The following CCDC14 variants were observed in gnomAD, a reference collection of about 807,000 sequenced individuals.
CCDC14 encodes the protein coiled-coil domain containing 14, also known as coiled-coil domain-containing protein 14.
CCDC14 carries 71 observed loss-of-function variants against 81.4 expected under a neutral mutation model. The observed-to-expected ratio is 0.87, with a 90% confidence interval of 0.72 to 1.06. The LOEUF is 1.06. Among genes scored for constraint, CCDC14 ranks in the 50% least tolerant of loss-of-function variants. The pLI is 0.00. For missense variants in CCDC14, 1,046 were observed against 1,047.3 expected (o/e 1.00, Z 0.02); for synonymous variants, 332 against 364.8 (o/e 0.91, Z 1.03).
rs746960285 is a variant in CCDC14, at chr3:123,931,087, G to A, written c.1778+15C>T. ...ATAAAAAAGGCATGAGTTATTCAAA[G>A]GAAGTCAATTTTACCTGGTTAATTC... On this transcript the variant is annotated intron_variant, in intron 12 of 12. Transcript: ENST00000409697. The A allele has an allele frequency of 5.8e-6, 9 of 1,560,532 alleles. No individual in the cohort carries two copies. Among genetic ancestry groups the A allele is most frequent in the African/African-American group, 2.8e-5 (2 of 72,210 alleles).
intron 5 of CCDC14, among the ~76,000 whole-genome samples, chr3:123,952,355 A>T (rs1158965818): frequency 1.3e-5 from 2 of 152,198 alleles, no homozygotes; most frequent in Non-Finnish European, 2.9e-5. Context: ...TATGAGTGGC[A>T]ATCAATGCTC....
At chr3:123,956,531 G>C in intron 2 of CCDC14, 104 bp from the exon 3 acceptor site, 1 of 849,174 alleles carries the variant, frequency 1.2e-6, no homozygotes, top group Non-Finnish European at 1.8e-6. Context: ...GTCCAACCAT[G>C]TACAAGATGA....
intron 12 of CCDC14, among the ~76,000 whole-genome samples, chr3:123,924,227 A>G (rs1305041335): frequency 6.6e-6 from 1 of 152,132 alleles, no homozygotes; most frequent in African/African-American, 2.4e-5. Context: ...GGAAAACTGG[A>G]GATCCACGTA....
chr3:123,956,532 T>TA lies in CCDC14; in HGVS notation c.87-106dup, dbSNP rs926951606. On this transcript the variant is annotated intron_variant, in intron 2 of 12. Transcript: ENST00000409697. The stretch of plus-strand genomic sequence containing the variant: ...AGACAAGAAAGCTTGTCCAACCATG[T>TA]ACAAGATGAATTTATAAACACATTC... 7.1e-6 allele frequency: 6 copies of TA among 846,756 alleles called. No homozygotes were observed. The African/African-American group carries it at 1.0e-4, about 15-fold the overall frequency. 52.5% of individuals were successfully genotyped at this position (846,756 alleles called of 1,614,324 possible).
chr3:123,938,607 C>T (rs2036183779), intron 9 of CCDC14, among the ~76,000 whole-genome samples: 1 of 151,830 alleles, frequency 6.6e-6, no homozygotes, highest in Admixed American at 6.6e-5. Context: ...TGCCTTACTG[C>T]ACTTGTTAGA....
chr3:123,913,769 G>A lies in CCDC14; in HGVS notation c.*1010C>T, dbSNP rs1206643304. 1 of 984,774 alleles carries A rather than the reference G, an allele frequency of 1.0e-6. No homozygotes were observed. Among genetic ancestry groups the A allele is most frequent in the Non-Finnish European group, 1.2e-6 (1 of 829,848 alleles). 61.0% of individuals were successfully genotyped at this position (984,774 alleles called of 1,614,324 possible). On this transcript the variant is annotated 3_prime_UTR_variant, in exon 13 of 13. Transcript: ENST00000409697. ...TGATAAAGCCTGTCCAAGTACTAAG[G>A]ACAATTAGAGTAGGCAGGTGACCTG...
At chr3:123,950,773 T>A (rs1312392809) in intron 5 of CCDC14, among the ~76,000 whole-genome samples, 1 of 152,058 alleles carries the variant, frequency 6.6e-6, no homozygotes, top group Non-Finnish European at 1.5e-5. Context: ...AAATTATTTA[T>A]GAGAAGTATT....
chr3:123,955,886 T>G lies in CCDC14; in HGVS notation c.309A>C (p.Arg103Ser). 6.5e-7 allele frequency: 1 copy of G among 1,536,978 alleles called. No homozygotes were observed. The highest frequency in any genetic ancestry group is 1.2e-5 in the South Asian group (1 of 81,398). ...ESKRYGSKKKRHEKHTIPLVV... is the reference protein window; with the variant it reads ...ESKRYGSKKKSHEKHTIPLVV... Reference sequence around the variant, plus strand: ...CCAAAGGAATAGTATGTTTTTCATGTCTTTTCTTTTTTGATCCGTATCTTT... The same window carrying G: ...CCAAAGGAATAGTATGTTTTTCATGGCTTTTCTTTTTTGATCCGTATCTTT... The change falls in exon 5 of 13, where the codon AGA (arginine) becomes AGC (serine). Residue 103 changes from arginine (R) to serine (S), a missense_variant. Transcript: ENST00000409697.
At chr3:123,919,064 C>G (rs182893364) in intron 12 of CCDC14, among the ~76,000 whole-genome samples, 1 of 152,064 alleles carries the variant, frequency 6.6e-6, no homozygotes, top group African/African-American at 2.4e-5. Context: ...AGAGGGCGAG[C>G]GGTAACCCCA....
chr3:123,919,659 T>A (rs2034925922), intron 12 of CCDC14, among the ~76,000 whole-genome samples: 1 of 152,178 alleles, frequency 6.6e-6, no homozygotes, highest in South Asian at 2.1e-4. Context: ...AAAGCACAGG[T>A]AGCAGCCCAG....
At chr3:123,932,415 T>A (rs1456266060) in intron 10 of CCDC14, among the ~76,000 whole-genome samples, 2 of 152,206 alleles carry the variant, frequency 1.3e-5, no homozygotes, top group African/African-American at 2.4e-5. Flanking sequence ...TATAAAGTGC[T>A]CATTCTGTTG....
Position 123,949,079 on chromosome 3 carries a change from T to C in CCDC14, c.406A>G (p.Arg136Gly), listed in dbSNP as rs1159287420. The change falls in exon 6 of 13, where the codon AGA becomes GGA. Residue 136 changes from arginine (R) to glycine (G), a missense_variant. Arg to Gly is a moderately radical substitution (Grantham distance 125). Transcript: ENST00000409697. ...IPNEASARSERDTSDLEQNWS... is the reference protein window; with the variant it reads ...IPNEASARSEGDTSDLEQNWS... ...TTTTGCTCTAGGTCTGATGTGTCTC[T>C]TTCACTTCTAGCAGAAGCTTCATTA... The C allele has an allele frequency of 1.2e-6, 2 of 1,612,452 alleles. No individual in the cohort carries two copies. Among genetic ancestry groups the C allele is most frequent in the Non-Finnish European group, 1.7e-6 (2 of 1,179,064 alleles).
In CCDC14 at chr3:123,913,553, T is replaced by G; in HGVS notation, c.*1226A>C. On this transcript the variant is annotated 3_prime_UTR_variant, in exon 13 of 13. Coordinates refer to ENST00000409697, the MANE Select transcript of CCDC14 (RefSeq NM_001366335.1). ...AAAATTAAAGATGCTAATGGACTCTTGTGTGAAATAGTTTAGAATTCACTT... is the reference window on the plus strand; with the variant it reads ...AAAATTAAAGATGCTAATGGACTCTGGTGTGAAATAGTTTAGAATTCACTT... The G allele has an allele frequency of 2.0e-6, 2 of 980,858 alleles. No homozygotes were observed. Among genetic ancestry groups the G allele is most frequent in the Non-Finnish European group, 2.4e-6 (2 of 825,886 alleles). The allele number at this position is 980,858 out of a possible 1,614,324, so 60.8% of individuals were successfully genotyped here. A position where few individuals can be genotyped will look rare whatever the true frequency, so the allele number is the denominator to read the frequency against.
At chr3:123,906,343 T>A (rs570976412) in intron 5 of CCDC14, among the ~76,000 whole-genome samples, 212 of 140,694 alleles carry the variant, frequency 1.5e-3, no homozygotes, top group African/African-American at 5.4e-3. Context: ...AAATAAAAAA[T>A]TAAAATAAAT....
intron 9 of CCDC14, among the ~76,000 whole-genome samples, chr3:123,944,498 TG>T (rs1054449489): frequency 1.3e-5 from 2 of 152,220 alleles, no homozygotes; most frequent in East Asian, 1.9e-4. Context: ...ATGTTAGTCT[TG>T]GCATGAGGGA....
At chr3:123,939,664 T>G (rs998227954) in intron 9 of CCDC14, among the ~76,000 whole-genome samples, 1 of 151,890 alleles carries the variant, frequency 6.6e-6, no homozygotes, top group Non-Finnish European at 1.5e-5. Context: ...TCTTTTTCTA[T>G]TTTGCCTTGT....
intron 1 of CCDC14, chr3:123,957,392 A>G (rs1169961460): frequency 6.6e-6 from 1 of 152,114 alleles, no homozygotes; most frequent in Non-Finnish European, 1.5e-5. Flanking sequence ...AAATTCTTTG[A>G]AACATGCAAG....
chr3:123,892,496 C>G (rs73184258), downstream of CCDC14, among the ~76,000 whole-genome samples: 1 of 152,184 alleles, frequency 6.6e-6, no homozygotes, highest in Admixed American at 6.5e-5. Context: ...GACATTTTCT[C>G]CATTGTCTTC....
rs769232912 is a variant in CCDC14, at chr3:123,931,227, C to A, written c.1653G>T (p.Glu551Asp). The change falls in exon 12 of 13, where the codon GAG becomes GAT. Residue 551 changes from glutamate (E) to aspartate (D), a missense_variant. Physicochemically the swap from Glu to Asp is conservative, Grantham distance 45 (BLOSUM62 2). Coordinates refer to ENST00000409697, the MANE Select transcript of CCDC14 (RefSeq NM_001366335.1). Reference sequence around the variant, plus strand: ...AGCTTTTCACATTGACTAGGGCTTCCTCCAATTCTAAAACAACAAAAGTTT... The same window carrying A: ...AGCTTTTCACATTGACTAGGGCTTCATCCAATTCTAAAACAACAAAAGTTT... ...IEITRIKIELEEALVNVKSSQ... is the reference protein window; with the variant it reads ...IEITRIKIELDEALVNVKSSQ... 6 of 1,600,374 alleles carry A rather than the reference C, an allele frequency of 3.7e-6. No homozygotes were observed. In the South Asian group the frequency reaches 5.7e-5, roughly 15 times the overall value.
Sources: gnomAD v4.1 joint callset for allele counts (sites outside exome capture counted in the v4.1 genomes callset) on GRCh38, gnomAD v4.1.1 for gene constraint, MANE v1.5 for transcripts, NCBI Gene and HGNC (gene_info 2026-07-23, HGNC 2026-07-21) for gene names.